Variants in DLG2 observed in about 807,000 individuals in gnomAD.
The protein encoded by DLG2 is discs large MAGUK scaffold protein 2.
A neutral mutation model predicts 132.5 loss-of-function variants in DLG2; 45 were observed. That is an observed-to-expected ratio of 0.34 (90% CI 0.27 to 0.44). The LOEUF (loss-of-function observed/expected upper bound fraction) is 0.44. Ranked by LOEUF, DLG2 falls within the 20% of genes least tolerant of loss-of-function variation. The pLI is 1.00. For missense variants in DLG2, 1,045 were observed against 1,196.9 expected (o/e 0.87, Z 1.87); for synonymous variants, 424 against 419.6 (o/e 1.01, Z -0.13).
chr11:83,657,815 C>A lies in DLG2; in HGVS notation c.1826-24490G>T, dbSNP rs555226423. Among the ~76,000 whole-genome samples the A allele has an allele frequency of 3.4e-4, 52 of 152,296 alleles. 1 individual carries two copies. The highest frequency in any genetic ancestry group is 2.8e-3 in the Admixed American group (43 of 15,296). ...TTGGCCTCCCAAAGTGCTGGGATTA[C>A]AGGCGTGAGCCACCGCGCCCAGCCT... On this transcript the variant is annotated intron_variant, in intron 18 of 27. Transcript: ENST00000376104.
chr11:84,808,489 A>G (rs2076234404), intron 6 of DLG2, among the ~76,000 whole-genome samples: 1 of 152,050 alleles, frequency 6.6e-6, no homozygotes, highest in Non-Finnish European at 1.5e-5. Context: ...TGTAATTTAA[A>G]TCAGATAATC....
intron 6 of DLG2, among the ~76,000 whole-genome samples, chr11:84,910,192 C>T (rs1249973444): frequency 6.6e-6 from 1 of 152,194 alleles, no homozygotes; most frequent in Non-Finnish European, 1.5e-5. Context: ...TAACCAACCT[C>T]TACCCTCCTT....
intron 6 of DLG2, among the ~76,000 whole-genome samples, chr11:85,033,030 A>T (rs1169971909): frequency 1.3e-5 from 2 of 152,248 alleles, no homozygotes; most frequent in Non-Finnish European, 2.9e-5. Context: ...AATCATACTC[A>T]GTCTTGCAAA....
chr11:83,717,641 AG>A (rs1491583597), intron 18 of DLG2, among the ~76,000 whole-genome samples: 1 of 152,202 alleles, frequency 6.6e-6, no homozygotes, highest in African/African-American at 2.4e-5. Context: ...GTAAAAACAC[AG>A]GGGGAAAAAA....
chr11:85,425,887 G>C (rs2553196), intron 3 of DLG2, among the ~76,000 whole-genome samples: 4 of 152,302 alleles, frequency 2.6e-5, no homozygotes, highest in African/African-American at 7.2e-5. Flanking sequence ...CCCTTTCCTA[G>C]TCAAAGAAAG....
chr11:83,466,052 A>G (rs73518761), intron 26 of DLG2, among the ~76,000 whole-genome samples: 30 of 152,324 alleles, frequency 2.0e-4, no homozygotes, highest in African/African-American at 6.7e-4. Flanking sequence ...AGGGGAAAAA[A>G]AAAGAAAAAA....
At position 85,053,632 on chromosome 11, in the gene DLG2, CAAAAA is replaced by C. The variant is rs574119257; in HGVS notation, c.357+58024_357+58028del. Among the ~76,000 whole-genome samples, 547 of 91,170 alleles carry C rather than the reference CAAAAA, an allele frequency of 6.0e-3. 3 individuals are homozygous for C. Among genetic ancestry groups the C allele is most frequent in the African/African-American group, 0.023 (491 of 21,280 alleles). The allele number at this position is 91,170 out of a possible 152,430, so 59.8% of individuals were successfully genotyped here. On this transcript the variant is annotated intron_variant, in intron 6 of 27. Coordinates refer to ENST00000376104, the MANE Select transcript of DLG2 (RefSeq NM_001142699.3). ...TGAAACCCCATCTCTACTAAAAATACAAAAAAAAAAAAAAAAAAAATTAGCCTGGC... is the reference window on the plus strand; with the variant it reads ...TGAAACCCCATCTCTACTAAAAATACAAAAAAAAAAAAAAATTAGCCTGGC...
chr11:85,180,641 C>A (rs1334806968), intron 4 of DLG2, among the ~76,000 whole-genome samples: 2 of 151,860 alleles, frequency 1.3e-5, no homozygotes, highest in Non-Finnish European at 2.9e-5. Flanking sequence ...ATAAAAGCTT[C>A]AGCTGTAGAA....
chr11:85,166,166 C>A (rs1205373068), intron 4 of DLG2, among the ~76,000 whole-genome samples: 1 of 152,136 alleles, frequency 6.6e-6, no homozygotes, highest in Non-Finnish European at 1.5e-5. Context: ...ATCTCTCTCT[C>A]CTATTTGCCA....
At chr11:84,945,580 C>T (rs1191347941) in intron 6 of DLG2, among the ~76,000 whole-genome samples, 1 of 152,194 alleles carries the variant, frequency 6.6e-6, no homozygotes, top group African/African-American at 2.4e-5. Flanking sequence ...CCGATGTTCC[C>T]TCAAGGCTCA....
chr11:83,712,244 G>A (rs1396430443), intron 18 of DLG2, among the ~76,000 whole-genome samples: 1 of 152,116 alleles, frequency 6.6e-6, no homozygotes, highest in Non-Finnish European at 1.5e-5. Context: ...CAATAGTAAA[G>A]ACGTGGAATC....
In DLG2 at chr11:83,712,749, G is replaced by A. The variant is rs2085743252; in HGVS notation, c.1825+73941C>T. 2.0e-5 allele frequency among the ~76,000 whole-genome samples: 3 copies of A among 152,202 alleles called. No individual in the cohort carries two copies. The South Asian group carries it at 6.2e-4, about 32-fold the overall frequency. On this transcript the variant is annotated intron_variant, in intron 18 of 27. Coordinates refer to ENST00000376104, the MANE Select transcript of DLG2 (RefSeq NM_001142699.3). ...CACTGAATGTTCTCACTTATAAGTG[G>A]GAGCTGAATGATGAGAATACATGGA...
chr11:83,766,846 T>C (rs775943005), intron 18 of DLG2, among the ~76,000 whole-genome samples: 2 of 152,226 alleles, frequency 1.3e-5, no homozygotes, highest in African/African-American at 2.4e-5. Flanking sequence ...GTCTAGAGTT[T>C]AGAAGACAAA....
chr11:85,454,817 T>C (rs1204007729), intron 3 of DLG2, among the ~76,000 whole-genome samples: 1 of 152,076 alleles, frequency 6.6e-6, no homozygotes, highest in Non-Finnish European at 1.5e-5. Flanking sequence ...TTTTTGTTAG[T>C]TTTGTGGAAG....
chr11:84,559,031 G>T, intron 6 of DLG2, among the ~76,000 whole-genome samples: 1 of 152,096 alleles, frequency 6.6e-6, no homozygotes. Flanking sequence ...AGTCATGACA[G>T]ATTTTTCTTT....
At chr11:83,869,287 C>A (rs1183244998) in intron 16 of DLG2, among the ~76,000 whole-genome samples, 1 of 152,046 alleles carries the variant, frequency 6.6e-6, no homozygotes, top group Admixed American at 6.6e-5. Flanking sequence ...CCTGGGAAAT[C>A]TGAAGCACAT....
rs968530668 is a variant in DLG2, at chr11:84,338,512, C to T, written c.520-87221G>A. 7.2e-5 allele frequency among the ~76,000 whole-genome samples: 11 copies of T among 152,138 alleles called. No homozygotes were observed. In the South Asian group the frequency reaches 2.3e-3, roughly 31 times the overall value. On this transcript the variant is annotated intron_variant, in intron 7 of 27. Transcript: ENST00000376104. Reference sequence around the variant, plus strand: ...AAAGTTCCTTAACAACTATGAGCCTCCGTTTCTTCACATATAAAGTGGTGA... The same window carrying T: ...AAAGTTCCTTAACAACTATGAGCCTTCGTTTCTTCACATATAAAGTGGTGA...
chr11:85,426,282 G>T (rs532307298), intron 3 of DLG2, among the ~76,000 whole-genome samples: 38 of 152,276 alleles, frequency 2.5e-4, no homozygotes, highest in Admixed American at 2.4e-3. Flanking sequence ...GAGAGTAGTG[G>T]TTCTCCCAGC....
chr11:84,026,266 C>T (rs560809989), intron 11 of DLG2, among the ~76,000 whole-genome samples: 27 of 152,132 alleles, frequency 1.8e-4, no homozygotes, highest in African/African-American at 6.0e-4. Flanking sequence ...GACACAAATA[C>T]TGTGCATTTA....
Sources: allele counts gnomAD v4.1 joint callset (sites outside exome capture counted in the v4.1 genomes callset), GRCh38; gene constraint gnomAD v4.1.1; transcripts MANE v1.5; gene names NCBI Gene and HGNC (gene_info 2026-07-23, HGNC 2026-07-21).